PCLO: variants seen among roughly 807,000 people sequenced by gnomAD.
PCLO encodes protein piccolo.
PCLO carries 82 observed loss-of-function variants against 427.5 expected under a neutral mutation model. The ratio of observed to expected loss-of-function variants is 0.19; its 90% CI spans 0.16 to 0.23. The LOEUF (loss-of-function observed/expected upper bound fraction) is 0.23, where lower values mean the gene tolerates loss of function less well. Among genes scored for constraint, PCLO ranks in the 10% least tolerant of loss-of-function variants. PCLO has a pLI of 1.00. For missense variants in PCLO, 6,239 were observed against 6,115.9 expected, an observed-to-expected ratio of 1.02 and a Z score of -0.67; for synonymous variants, 2,357 against 2,155.4, an observed-to-expected ratio of 1.09 and a Z score of -2.59.
intron 13 of PCLO, among the ~76,000 whole-genome samples, chr7:82,843,662 T>A (rs1792424587): frequency 1.4e-5 from 2 of 142,584 alleles, no homozygotes; most frequent in African/African-American, 4.9e-5. Flanking sequence ...CCACAACGTA[T>A]TCATTTTTTT....
At chr7:82,800,509 A>C (rs1791323727) in intron 22 of PCLO, among the ~76,000 whole-genome samples, 1 of 152,186 alleles carries the variant, frequency 6.6e-6, no homozygotes, top group Non-Finnish European at 1.5e-5. Flanking sequence ...CAGTGCATGA[A>C]AAGTACTTAG....
chr7:83,125,377 C>G (rs1397287514), intron 3 of PCLO, among the ~76,000 whole-genome samples: 3 of 152,176 alleles, frequency 2.0e-5, no homozygotes, highest in Admixed American at 6.5e-5. Flanking sequence ...GCCACCACCC[C>G]ATCTGGGAGG....
At position 82,822,628 on chromosome 7, in the gene PCLO, T is replaced by C; in HGVS notation, c.14658A>G (p.Ser4886=). 1 of 1,613,830 alleles carries C rather than the reference T, an allele frequency of 6.2e-7. No individual in the cohort carries two copies. The highest frequency in any genetic ancestry group is 8.5e-7 in the Non-Finnish European group (1 of 1,179,802). Residue 4886 remains serine, a synonymous_variant, in exon 20 of 25, where the codon TCA becomes TCG. Transcript: ENST00000333891. ...HSSPGSSKSS[S]EGHLRSHGPS... Reference sequence around the variant, plus strand: ...GTCCATGAGAACGGAGATGGCCTTCTGATGATGATTTTGAGCTACCAGGAC... The same window carrying C: ...GTCCATGAGAACGGAGATGGCCTTCCGATGATGATTTTGAGCTACCAGGAC...
intron 3 of PCLO, among the ~76,000 whole-genome samples, chr7:83,001,450 T>C (rs1787820347): frequency 6.7e-6 from 1 of 150,198 alleles, no homozygotes; most frequent in Non-Finnish European, 1.5e-5. Context: ...GTATGTCTAA[T>C]GAAAAAAAAA....
chr7:82,929,980 G>A (rs937906413), intron 6 of PCLO, among the ~76,000 whole-genome samples: 4 of 152,162 alleles, frequency 2.6e-5, no homozygotes, highest in Admixed American at 1.3e-4. Flanking sequence ...CTACCTTCAT[G>A]CAGCTTTCAG....
At chr7:82,940,120 G>A (rs1241133963) in intron 6 of PCLO, among the ~76,000 whole-genome samples, 1 of 152,070 alleles carries the variant, frequency 6.6e-6, no homozygotes, top group African/African-American at 2.4e-5. Context: ...ATGAATGGCC[G>A]ATTAGATAAT....
intron 3 of PCLO, among the ~76,000 whole-genome samples, chr7:82,967,505 G>A (rs1020611769): frequency 2.0e-5 from 3 of 151,920 alleles, no homozygotes; most frequent in Non-Finnish European, 4.4e-5. Context: ...GCTCTTCAGT[G>A]TCTAAGCCAT....
intron 3 of PCLO, among the ~76,000 whole-genome samples, chr7:83,084,163 T>A (rs568523036): frequency 1.3e-5 from 2 of 152,278 alleles, no homozygotes; most frequent in South Asian, 4.1e-4. Context: ...GAAGATGTTC[T>A]TAGTTTTGTG....
In PCLO at chr7:82,952,909, T is replaced by G. The variant is rs760045692; in HGVS notation, c.8044A>C (p.Thr2682Pro). ...TEVSKTEVSATRSTAPSVGLS... is the reference protein window; with the variant it reads ...TEVSKTEVSAPRSTAPSVGLS... ...CCAACACTAGGAGCTGTACTTCTGG[T>G]TGCTGAAACCTCAGTCTTGGAAACT... Residue 2682 changes from threonine to proline, a missense_variant, in exon 5 of 25, where the codon ACC becomes CCC. Physicochemically the swap from Thr to Pro is conservative, Grantham distance 38. Around this residue, in one of 5 missense-constraint regions of PCLO, gnomAD observed 4,677 missense variants for 4,468.4 expected, o/e 1.05. Coordinates refer to ENST00000333891, the MANE Select transcript of PCLO (RefSeq NM_033026.6). 1 of 1,613,922 alleles carries G rather than the reference T, an allele frequency of 6.2e-7. No homozygotes were observed.
At chr7:83,099,540 C>T (rs1251719205) in intron 3 of PCLO, among the ~76,000 whole-genome samples, 1 of 151,764 alleles carries the variant, frequency 6.6e-6, no homozygotes, top group Admixed American at 6.6e-5. Context: ...AGGCAGGGGC[C>T]ACCATGCCCA....
At chr7:83,025,749 G>A (rs867174808) in intron 3 of PCLO, among the ~76,000 whole-genome samples, 1,860 of 152,138 alleles carry the variant, frequency 0.012, 33 homozygotes, top group African/African-American at 0.042. Flanking sequence ...GACTAACAGC[G>A]GATCTCTTGG....
At chr7:83,069,137 A>G (rs1425899996) in intron 3 of PCLO, among the ~76,000 whole-genome samples, 1 of 152,186 alleles carries the variant, frequency 6.6e-6, no homozygotes, top group African/African-American at 2.4e-5. Context: ...GAACTAATGC[A>G]TATTATGGGT....
At chr7:82,815,527 TAC>T (rs1312201982) in intron 20 of PCLO, among the ~76,000 whole-genome samples, 4 of 152,262 alleles carry the variant, frequency 2.6e-5, no homozygotes, top group East Asian at 3.9e-4. Flanking sequence ...CAGATAAAAA[TAC>T]AGTGTGATCT....
chr7:82,887,616 T>C (rs17282616), intron 9 of PCLO, among the ~76,000 whole-genome samples: 24,485 of 152,068 alleles, frequency 0.16, 2,604 homozygotes, highest in Non-Finnish European at 0.23. Flanking sequence ...AACCAAGCAA[T>C]CTGTCAGGAG....
intron 1 of PCLO, among the ~76,000 whole-genome samples, chr7:83,158,670 T>C (rs905889123): frequency 6.6e-6 from 1 of 152,048 alleles, no homozygotes; most frequent in African/African-American, 2.4e-5. Flanking sequence ...ATATTTGTGA[T>C]AATCAGAAAC....
chr7:82,964,117 A>G (rs1190596245), intron 4 of PCLO, among the ~76,000 whole-genome samples: 1 of 152,126 alleles, frequency 6.6e-6, no homozygotes, highest in Non-Finnish European at 1.5e-5. Flanking sequence ...TCTAACCAGT[A>G]ATTAGATTGC....
chr7:82,907,014 T>C (rs1584132354), intron 8 of PCLO, among the ~76,000 whole-genome samples: 1 of 151,952 alleles, frequency 6.6e-6, no homozygotes, highest in Non-Finnish European at 1.5e-5. Context: ...ATTATTACTA[T>C]GTACCCAGTA....
In PCLO at chr7:82,953,690, G is replaced by T; in HGVS notation, c.7263C>A (p.Pro2421=). 4 of 1,068,052 alleles carry T rather than the reference G, an allele frequency of 3.7e-6. No homozygotes were observed. The highest frequency in any genetic ancestry group is 4.1e-6 in the Non-Finnish European group (3 of 739,832). 66.2% of individuals were successfully genotyped at this position (1,068,052 alleles called of 1,614,324 possible). ...PPPPPPPPPP[P]PPPPPLPPPT... ...GTGGAGGAAGTGGTGGGGGAGGAGG[G>T]GGTGGTGGTGGAGGAGGAGGAGGAG... is the stretch of plus-strand genomic sequence containing the variant. Residue 2421 remains proline, a synonymous_variant, in exon 5 of 25, where the codon CCC becomes CCA. Transcript: ENST00000333891.
chr7:82,879,342 A>G lies in PCLO; in HGVS notation c.13649T>C (p.Met4550Thr), dbSNP rs556966262. The change falls in exon 10 of 25, where the codon ATG (methionine) becomes ACG (threonine). Residue 4550 changes from methionine (M) to threonine (T), a missense_variant. Met to Thr is a moderately conservative substitution (Grantham distance 81, BLOSUM62 -1). Transcript: ENST00000333891. ...GGSAEQTGKL[M>T]EGMQVLEWNG... ...GTAAAATTCCTTATTCTTACCTTCCATAAGCTTCCCCGTCTGTTCCGCACT... is the reference window on the plus strand; with the variant it reads ...GTAAAATTCCTTATTCTTACCTTCCGTAAGCTTCCCCGTCTGTTCCGCACT... 4.1e-5 allele frequency: 66 copies of G among 1,608,570 alleles called. No individual in the cohort carries two copies. In the South Asian group the frequency reaches 5.2e-4, roughly 13 times the overall value.
Sources: gnomAD v4.1 joint callset for allele counts (sites outside exome capture counted in the v4.1 genomes callset) on GRCh38, gnomAD v4.1.1 for gene constraint, gnomAD v4.1.1 regional missense constraint, MANE v1.5 for transcripts, NCBI Gene and HGNC (gene_info 2026-07-23, HGNC 2026-07-21) for gene names.